SH3PXD2A: variants seen among roughly 807,000 people sequenced by gnomAD.
The protein encoded by SH3PXD2A is SH3 and PX domains 2A, also known as SH3 and PX domain-containing protein 2A.
In SH3PXD2A, 32 loss-of-function variants were observed where a neutral mutation model predicts 115.2. That is an observed-to-expected ratio of 0.28 (90% CI 0.21 to 0.37). The LOEUF is 0.37. Among genes scored for constraint, SH3PXD2A ranks in the 10% least tolerant of loss-of-function variants. SH3PXD2A has a pLI of 1.00. For missense variants in SH3PXD2A, 1,328 were observed against 1,498.7 expected (o/e 0.89, Z 1.88); for synonymous variants, 610 against 629.1 (o/e 0.97, Z 0.45).
chr10:103,655,948 A>G (rs1370895690), intron 8 of SH3PXD2A, among the ~76,000 whole-genome samples: 2 of 152,214 alleles, frequency 1.3e-5, no homozygotes, highest in Non-Finnish European at 1.5e-5. Flanking sequence ...ATGGTGAAAT[A>G]AACGAGTGAA....
chr10:103,723,937 G>A (rs1439033035), intron 5 of SH3PXD2A, among the ~76,000 whole-genome samples: 1 of 152,130 alleles, frequency 6.6e-6, no homozygotes, highest in Non-Finnish European at 1.5e-5. Context: ...AGCCCTGAGT[G>A]GTCTCGATGG....
chr10:103,663,526 C>T (rs2037341722), intron 7 of SH3PXD2A, among the ~76,000 whole-genome samples: 1 of 152,254 alleles, frequency 6.6e-6, no homozygotes, highest in South Asian at 2.1e-4. Context: ...CTTGGAAGCA[C>T]AGAATCACCC....
At chr10:103,798,353 A>G (rs2039114699) in intron 2 of SH3PXD2A, among the ~76,000 whole-genome samples, 1 of 152,166 alleles carries the variant, frequency 6.6e-6, no homozygotes, top group Non-Finnish European at 1.5e-5. Context: ...TCTGTCACCC[A>G]GGCTGGAGTG....
chr10:103,774,717 A>G (rs971527657), intron 2 of SH3PXD2A, among the ~76,000 whole-genome samples: 2 of 152,202 alleles, frequency 1.3e-5, no homozygotes, highest in Non-Finnish European at 2.9e-5. Flanking sequence ...TTACGTAGGC[A>G]GAGTTTTATG....
intron 8 of SH3PXD2A, among the ~76,000 whole-genome samples, chr10:103,641,954 T>C (rs2036961977): frequency 6.6e-6 from 1 of 152,180 alleles, no homozygotes; most frequent in African/African-American, 2.4e-5. Flanking sequence ...TTACATATAC[T>C]GTGGTTCATA....
chr10:103,702,676 C>T (rs1023649215), intron 5 of SH3PXD2A, among the ~76,000 whole-genome samples: 4 of 150,932 alleles, frequency 2.7e-5, no homozygotes, highest in African/African-American at 9.7e-5. Flanking sequence ...GCAGCTGGGG[C>T]TGGACTGAGC....
intron 8 of SH3PXD2A, among the ~76,000 whole-genome samples, chr10:103,644,109 C>T (rs1209637924): frequency 2.0e-4 from 18 of 89,468 alleles, no homozygotes; most frequent in African/African-American, 7.7e-4. Context: ...AGCGAGGCTC[C>T]ATCCCAAAAA....
chr10:103,671,785 C>T (rs978138743), intron 6 of SH3PXD2A, among the ~76,000 whole-genome samples: 5 of 152,108 alleles, frequency 3.3e-5, no homozygotes, highest in Admixed American at 6.5e-5. Flanking sequence ...AGGCGGGGGG[C>T]GCAGCCAAGT....
chr10:103,650,248 G>A (rs942391520), intron 8 of SH3PXD2A, among the ~76,000 whole-genome samples: 20 of 152,026 alleles, frequency 1.3e-4, no homozygotes, highest in African/African-American at 4.3e-4. Context: ...GGCACCTGCC[G>A]CATCACTCCC....
intron 1 of SH3PXD2A, among the ~76,000 whole-genome samples, chr10:103,810,181 G>A (rs1161588541): frequency 2.6e-5 from 4 of 152,220 alleles, no homozygotes; most frequent in Non-Finnish European, 4.4e-5. Context: ...AAGGTGGTTG[G>A]TGGCATGCTA....
chr10:103,808,761 A>G (rs575224647), intron 1 of SH3PXD2A, among the ~76,000 whole-genome samples: 2 of 152,272 alleles, frequency 1.3e-5, no homozygotes, highest in East Asian at 3.9e-4. Context: ...GTTGGTCTCT[A>G]TTCAACACAG....
At chr10:103,623,237 C>T (rs1183852757) in intron 9 of SH3PXD2A, among the ~76,000 whole-genome samples, 1 of 151,830 alleles carries the variant, frequency 6.6e-6, no homozygotes, top group Non-Finnish European at 1.5e-5. Flanking sequence ...CTCCTCCTCT[C>T]AGGCCACCCA....
intron 1 of SH3PXD2A, among the ~76,000 whole-genome samples, chr10:103,850,646 TCCAGGAACC>T (rs1317454693): frequency 6.6e-6 from 1 of 152,158 alleles, no homozygotes; most frequent in African/African-American, 2.4e-5. Context: ...AATGCTCAGC[TCCAGGAACC>T]CCTCCAGGTC....
chr10:103,852,774 A>G (rs1429809784), intron 1 of SH3PXD2A, among the ~76,000 whole-genome samples: 2 of 152,154 alleles, frequency 1.3e-5, no homozygotes, highest in African/African-American at 4.8e-5. Context: ...ATTATTGGAT[A>G]TGCTTATGTT....
At chr10:103,750,198 C>T (rs1253131598) in intron 3 of SH3PXD2A, among the ~76,000 whole-genome samples, 1 of 152,096 alleles carries the variant, frequency 6.6e-6, no homozygotes, top group Non-Finnish European at 1.5e-5. Context: ...ACCACAGGTG[C>T]ATGATGCCAT....
chr10:103,725,258 T>C (rs1035073609), intron 4 of SH3PXD2A, among the ~76,000 whole-genome samples: 37 of 152,004 alleles, frequency 2.4e-4, no homozygotes, highest in African/African-American at 8.5e-4. Context: ...AGAGGGGCCA[T>C]AGGAGGTGGG....
intron 1 of SH3PXD2A, among the ~76,000 whole-genome samples, chr10:103,831,832 C>T (rs1367155864): frequency 6.6e-6 from 1 of 152,162 alleles, no homozygotes; most frequent in Admixed American, 6.5e-5. Context: ...ATACTTCCAG[C>T]TCCCGGAAAC....
chr10:103,633,785 G>A (rs374692012), intron 8 of SH3PXD2A, among the ~76,000 whole-genome samples: 22 of 149,820 alleles, frequency 1.5e-4, no homozygotes, highest in Admixed American at 9.3e-4. Flanking sequence ...ACGGCACAGC[G>A]GGAGAATAGG....
intron 13 of SH3PXD2A, chr10:103,608,680 C>G (rs1454574629): frequency 6.6e-6 from 1 of 151,208 alleles, no homozygotes; most frequent in Non-Finnish European, 1.5e-5. Flanking sequence ...AGGGTTTTGC[C>G]TGGTCTCAAA....
Sources: allele counts gnomAD v4.1 joint callset (sites outside exome capture counted in the v4.1 genomes callset), GRCh38; gene constraint gnomAD v4.1.1; transcripts MANE v1.5; gene names NCBI Gene and HGNC (gene_info 2026-07-23, HGNC 2026-07-21).